Variants in NRXN1 observed in about 807,000 individuals in gnomAD.
NRXN1 encodes neurexin 1.
A neutral mutation model predicts 150.9 loss-of-function variants in NRXN1; 39 were observed. That is an observed-to-expected ratio of 0.26 (90% CI 0.20 to 0.34). The LOEUF (loss-of-function observed/expected upper bound fraction) is 0.34. Ranked by LOEUF, NRXN1 falls within the 10% of genes least tolerant of loss-of-function variation. The pLI is 1.00. For missense variants in NRXN1, 1,815 were observed against 1,949.9 expected, an observed-to-expected ratio of 0.93 and a Z score of 1.30; for synonymous variants, 924 against 757.0, an observed-to-expected ratio of 1.22 and a Z score of -3.62.
chr2:50,817,346 G>T (rs1055366292), intron 5 of NRXN1, among the ~76,000 whole-genome samples: 1 of 151,964 alleles, frequency 6.6e-6, no homozygotes, highest in African/African-American at 2.4e-5. Flanking sequence ...CTATTAAGGA[G>T]ATTAAATCAG....
intron 5 of NRXN1, chr2:50,917,405 G>C (rs1239015150): frequency 2.0e-5 from 3 of 151,742 alleles, no homozygotes; most frequent in Non-Finnish European, 4.4e-5. Flanking sequence ...TTAGTAACTG[G>C]AAGTTGTGCA....
At chr2:50,083,833 C>G (rs943323433) in intron 19 of NRXN1, among the ~76,000 whole-genome samples, 1 of 152,174 alleles carries the variant, frequency 6.6e-6, no homozygotes, top group Non-Finnish European at 1.5e-5. Flanking sequence ...GGTGTATTTA[C>G]AAACCCTGAG....
At chr2:50,209,821 T>C (rs1251574628) in intron 18 of NRXN1, among the ~76,000 whole-genome samples, 1 of 152,090 alleles carries the variant, frequency 6.6e-6, no homozygotes, top group African/African-American at 2.4e-5. Flanking sequence ...AAATGAGAAA[T>C]GTCATAGATT....
chr2:50,495,779 G>A (rs2091569157), intron 15 of NRXN1, 126 bp downstream of exon 15: 2 of 681,438 alleles, frequency 2.9e-6, no homozygotes, highest in African/African-American at 3.6e-5. Context: ...TGTTAATTAT[G>A]TGCTGAAAAT....
chr2:50,401,461 G>A (rs1191655439), intron 17 of NRXN1, among the ~76,000 whole-genome samples: 2 of 152,042 alleles, frequency 1.3e-5, no homozygotes, highest in Non-Finnish European at 2.9e-5. Context: ...TCACTGGTGA[G>A]AGCGGGGAGG....
At chr2:50,156,265 TA>T (rs1334099926) in intron 18 of NRXN1, among the ~76,000 whole-genome samples, 1 of 151,882 alleles carries the variant, frequency 6.6e-6, no homozygotes, top group Non-Finnish European at 1.5e-5. Flanking sequence ...CTCTAGGTAG[TA>T]AAACCAAGGG....
chr2:50,684,677 G>A (rs1007572323), intron 5 of NRXN1, among the ~76,000 whole-genome samples: 1 of 152,100 alleles, frequency 6.6e-6, no homozygotes. Flanking sequence ...CTAAGCAACT[G>A]CATGGATTAT....
At chr2:50,599,611 G>A (rs1306851379) in intron 8 of NRXN1, among the ~76,000 whole-genome samples, 2 of 152,112 alleles carry the variant, frequency 1.3e-5, no homozygotes, top group Admixed American at 1.3e-4. Context: ...TAATTCAAGG[G>A]AAACATGCTT....
Position 50,465,577 on chromosome 2 carries a change from A to G in NRXN1, c.3245-16T>C, listed in dbSNP as rs761950389. On this transcript the variant is annotated splice_polypyrimidine_tract_variant and intron_variant, in intron 16 of 22. Coordinates refer to ENST00000401669, the MANE Select transcript of NRXN1 (RefSeq NM_001330078.2). ...GTGCTGGGCCCTGCAAAACAATCCAAAGGAAACTTGGGTTCTTTAAAAGAA... is the reference window on the plus strand; with the variant it reads ...GTGCTGGGCCCTGCAAAACAATCCAGAGGAAACTTGGGTTCTTTAAAAGAA... 2 of 1,593,636 alleles carry G rather than the reference A, an allele frequency of 1.3e-6. No homozygotes were observed. Among genetic ancestry groups the G allele is most frequent in the Non-Finnish European group, 1.7e-6 (2 of 1,168,818 alleles).
chr2:50,041,245 C>A (rs970271547), intron 21 of NRXN1, among the ~76,000 whole-genome samples: 4 of 152,206 alleles, frequency 2.6e-5, no homozygotes, highest in Admixed American at 6.5e-5. Context: ...CCTCTAATCT[C>A]TTCTTTTGCT....
At chr2:50,238,166 T>C (rs2065651265) in intron 17 of NRXN1, among the ~76,000 whole-genome samples, 1 of 152,072 alleles carries the variant, frequency 6.6e-6, no homozygotes, top group Non-Finnish European at 1.5e-5. Context: ...TGCACTAGTC[T>C]TACCTCAATG....
chr2:50,893,895 T>G (rs1254314305), intron 5 of NRXN1, among the ~76,000 whole-genome samples: 1 of 152,128 alleles, frequency 6.6e-6, no homozygotes, highest in African/African-American at 2.4e-5. Flanking sequence ...GAATGATGAT[T>G]TCCAATTTCA....
rs1671035063 is a variant in NRXN1, at chr2:51,028,795, G to A, written c.-522C>T. The A allele has an allele frequency of 6.6e-6, 1 of 152,610 alleles. No individual in the cohort carries two copies. The highest frequency in any genetic ancestry group is 1.9e-4 in the East Asian group (1 of 5,204). 9.5% of individuals were successfully genotyped at this position (152,610 alleles called of 1,614,324 possible). A position where few individuals can be genotyped will look rare whatever the true frequency, so the allele number is the denominator to read the frequency against. ...AGTGAGCCAGTATCCTTGGATGCTT[G>A]TGAATGCCTCAAGTCTGTCTCCTTC... is the stretch of plus-strand genomic sequence containing the variant. On this transcript the variant is annotated 5_prime_UTR_variant, in exon 2 of 23. Transcript: ENST00000401669.
Position 50,978,271 on chromosome 2 carries a change from C to CATATATATATATATATATATAT in NRXN1, c.772+49209_772+49230dup, listed in dbSNP as rs10671122. On this transcript the variant is annotated intron_variant, in intron 2 of 22. Coordinates refer to ENST00000401669, the MANE Select transcript of NRXN1 (RefSeq NM_001330078.2). ...CCATACTCTGAATATGGATATTATA[C>CATATATATATATATATATATAT]ATATATATATATATATATATATATA... Among the ~76,000 whole-genome samples, 126 of 94,980 alleles carry CATATATATATATATATATATAT rather than the reference C, an allele frequency of 1.3e-3. 1 individual carries two copies. The highest frequency in any genetic ancestry group is 2.6e-3 in the East Asian group (9 of 3,452). The allele number at this position is 94,980 out of a possible 152,430, so 62.3% of individuals were successfully genotyped here. A position where few individuals can be genotyped will look rare whatever the true frequency, so the allele number is the denominator to read the frequency against.
intron 5 of NRXN1, among the ~76,000 whole-genome samples, chr2:50,897,033 TC>T (rs1200874126): frequency 6.6e-6 from 1 of 152,106 alleles, no homozygotes; most frequent in African/African-American, 2.4e-5. Context: ...CTGAAAATTC[TC>T]CTAGAAACCA....
In NRXN1 at chr2:50,260,481, A is replaced by ACCCTGTTG. The variant is rs1180949998; in HGVS notation, c.3365-23519_3365-23512dup. ...TAAGACGGAGACTCAACACATTTGGACCCTGTTGTTCTATTGGAATACAAC... is the reference window on the plus strand; with the variant it reads ...TAAGACGGAGACTCAACACATTTGGACCCTGTTGCCCTGTTGTTCTATTGGAATACAAC... On this transcript the variant is annotated intron_variant, in intron 17 of 22. Transcript: ENST00000401669. 4.6e-5 allele frequency among the ~76,000 whole-genome samples: 7 copies of ACCCTGTTG among 151,730 alleles called. No individual in the cohort carries two copies. In the East Asian group the frequency reaches 9.6e-4, roughly 21 times the overall value.
intron 5 of NRXN1, among the ~76,000 whole-genome samples, chr2:50,705,954 A>G (rs559689865): frequency 2.0e-5 from 3 of 152,312 alleles, no homozygotes; most frequent in Admixed American, 2.0e-4. Flanking sequence ...AGTACAAAGA[A>G]AAGCACAAAA....
At chr2:50,493,451 A>G (rs1186376646) in intron 15 of NRXN1, among the ~76,000 whole-genome samples, 5 of 152,142 alleles carry the variant, frequency 3.3e-5, no homozygotes, top group Admixed American at 6.5e-5. Context: ...TCTCTGTCCT[A>G]TAAGTGCTCC....
In NRXN1 at chr2:50,053,361, C is replaced by G. The variant is rs2152626305; in HGVS notation, c.4038G>C (p.Glu1346Asp). 11 of 1,614,002 alleles carry G rather than the reference C, an allele frequency of 6.8e-6. No individual in the cohort carries two copies. Among genetic ancestry groups the G allele is most frequent in the South Asian group, 1.1e-5 (1 of 91,086 alleles). Residue 1346 changes from glutamate (E) to aspartate (D), a missense_variant, in exon 21 of 23, where the codon GAG becomes GAC. Physicochemically the swap from Glu to Asp is conservative, Grantham distance 45 (BLOSUM62 2). Around this residue, in one of 6 missense-constraint regions of NRXN1, gnomAD observed 265 missense variants for 307.1 expected, o/e 0.86. Transcript: ENST00000401669. ...TESTATAMQSEMSTSIMETTT... is the reference protein window; with the variant it reads ...TESTATAMQSDMSTSIMETTT... ...TAGTCTCCATAATTGATGTGGACAT[C>G]TCTGATTGCATGGCAGTGGCTGTTG...
Sources: gnomAD v4.1 joint callset for allele counts (sites outside exome capture counted in the v4.1 genomes callset) on GRCh38, gnomAD v4.1.1 for gene constraint, gnomAD v4.1.1 regional missense constraint, MANE v1.5 for transcripts, NCBI Gene and HGNC (gene_info 2026-07-23, HGNC 2026-07-21) for gene names.